Variants in HHIP observed in about 807,000 individuals in gnomAD.
HHIP encodes the protein hedgehog interacting protein.
In HHIP, 12 loss-of-function variants were observed where a neutral mutation model predicts 74.0. That is an observed-to-expected ratio of 0.16 (90% CI 0.10 to 0.26). The LOEUF (loss-of-function observed/expected upper bound fraction) is 0.26. HHIP is among the 10% of genes least tolerant of loss of function. The probability of loss-of-function intolerance (pLI) is 1.00; values close to 1 mark genes in which losing one functional copy is unlikely to be tolerated. For missense variants in HHIP, 788 were observed against 845.0 expected, an observed-to-expected ratio of 0.93 and a Z score of 0.84; for synonymous variants, 309 against 311.6, an observed-to-expected ratio of 0.99 and a Z score of 0.09.
intron 4 of HHIP, among the ~76,000 whole-genome samples, chr4:144,673,120 T>C (rs895108631): frequency 2.6e-5 from 4 of 152,226 alleles, no homozygotes; most frequent in African/African-American, 9.6e-5. Flanking sequence ...GCTGTGAATG[T>C]TCTTTGTGCC....
At chr4:144,669,021 A>C (rs530693002) in intron 4 of HHIP, among the ~76,000 whole-genome samples, 1 of 150,182 alleles carries the variant, frequency 6.7e-6, no homozygotes, top group Non-Finnish European at 1.5e-5. Flanking sequence ...ATTTTATATA[A>C]TATATAATAT....
At chr4:144,721,342 T>C (rs1463721412) in intron 11 of HHIP, among the ~76,000 whole-genome samples, 4 of 151,954 alleles carry the variant, frequency 2.6e-5, no homozygotes, top group East Asian at 1.9e-4. Context: ...TTAGAAACCA[T>C]AGAAACTATA....
chr4:144,714,415 T>A, intron 9 of HHIP, 67 bp downstream of exon 9: 2 of 1,470,414 alleles, frequency 1.4e-6, no homozygotes, highest in Non-Finnish European at 1.9e-6. Context: ...TTTGGCAAAC[T>A]GCCACAAAAT....
intron 11 of HHIP, among the ~76,000 whole-genome samples, chr4:144,732,188 G>C (rs1730979556): frequency 1.3e-5 from 2 of 152,160 alleles, no homozygotes; most frequent in African/African-American, 4.8e-5. Context: ...AGCCCTGATA[G>C]AGTAACAGTT....
Position 144,711,961 on chromosome 4 carries a change from A to C in HHIP, c.1313A>C (p.Asp438Ala), listed in dbSNP as rs199613180. 25 of 1,611,946 alleles carry C rather than the reference A, an allele frequency of 1.6e-5. No individual in the cohort carries two copies. The East Asian group carries it at 5.1e-4, about 33-fold the overall frequency. The change falls in exon 8 of 13, where the codon GAT becomes GCT. Residue 438 changes from aspartate (D) to alanine (A), a missense_variant. Transcript: ENST00000296575. ...GLHDPGRCAV[D>A]RHPTDININL... is the part of the protein sequence containing the mutation. Reference sequence around the variant, plus strand: ...CTCTTGTTATGCAGATGTGCTGTGGATAGACATCCCACTGATATAAACATC... The same window carrying C: ...CTCTTGTTATGCAGATGTGCTGTGGCTAGACATCCCACTGATATAAACATC...
intron 4 of HHIP, among the ~76,000 whole-genome samples, chr4:144,704,108 C>G (rs1207190466): frequency 6.6e-6 from 1 of 152,072 alleles, no homozygotes. Context: ...TTTAGGAATC[C>G]TGTTATATAA....
intron 9 of HHIP, 35 bp downstream of exon 9, chr4:144,714,383 C>A: frequency 6.2e-7 from 1 of 1,603,226 alleles, no homozygotes; most frequent in East Asian, 2.2e-5. Context: ...TATGATATAC[C>A]AAATGACATA....
chr4:144,650,254 G>A lies in HHIP; in HGVS notation c.280-2351G>A, dbSNP rs557268412. On this transcript the variant is annotated intron_variant, in intron 1 of 12. Coordinates refer to ENST00000296575, the MANE Select transcript of HHIP (RefSeq NM_022475.3). ...CCCTTCTTCTATGGATTTTATTTTC[G>A]TGTGGCTAAAGATTAAAGGATGACC... Among the ~76,000 whole-genome samples the A allele has an allele frequency of 1.8e-4, 27 of 152,002 alleles. No individual in the cohort carries two copies. The South Asian group carries it at 3.7e-3, about 21-fold the overall frequency.
chr4:144,697,527 A>G (rs1255184533), intron 4 of HHIP, among the ~76,000 whole-genome samples: 1 of 152,050 alleles, frequency 6.6e-6, no homozygotes, highest in Non-Finnish European at 1.5e-5. Context: ...GGGCACATAT[A>G]TTAAAGTTTC....
intron 4 of HHIP, chr4:144,685,540 T>C (rs1238823994): frequency 1.3e-5 from 2 of 152,254 alleles, no homozygotes; most frequent in African/African-American, 2.4e-5. Flanking sequence ...GTTAGTATCT[T>C]ATGCCTGATA....
chr4:144,673,561 G>A (rs375480859), intron 4 of HHIP, among the ~76,000 whole-genome samples: 9 of 152,112 alleles, frequency 5.9e-5, no homozygotes, highest in African/African-American at 1.9e-4. Flanking sequence ...AGGGAGAAAG[G>A]GGGGAAAATA....
At chr4:144,725,932 A>T (rs1444578380) in intron 11 of HHIP, among the ~76,000 whole-genome samples, 1 of 152,024 alleles carries the variant, frequency 6.6e-6, no homozygotes, top group Admixed American at 6.6e-5. Context: ...CGGCCTCCCA[A>T]AGTGCTGGGA....
Position 144,718,919 on chromosome 4 carries a change from C to A in HHIP, c.1723C>A (p.His575Asn). ...LSSSKSMTQT[H>N]NGKLYKIVDP... is the part of the protein sequence containing the mutation. ...AAGCAGTAAAAGTATGACCCAGACT[C>A]ACAATGGAAAACTCTACAAAATTGT... Residue 575 changes from histidine to asparagine, a missense_variant, in exon 11 of 13, where the codon CAC becomes AAC. Around this residue, in one of 3 missense-constraint regions of HHIP, gnomAD observed 343 missense variants for 347.9 expected, o/e 0.99. Transcript: ENST00000296575. 1 of 1,610,160 alleles carries A rather than the reference C, an allele frequency of 6.2e-7. No homozygotes were observed. Among genetic ancestry groups the A allele is most frequent in the Non-Finnish European group, 8.5e-7 (1 of 1,176,640 alleles).
rs1731158634 is a variant in HHIP at position 144,737,788 on chromosome 4, A to C, written c.1934A>C (p.His645Pro). 6.2e-7 allele frequency: 1 copy of C among 1,609,882 alleles called. No individual in the cohort carries two copies. Among genetic ancestry groups the C allele is most frequent in the Non-Finnish European group, 8.5e-7 (1 of 1,177,804 alleles). ...GCAAAATGTGAGCCAGCATGTCGTC[A>C]TGGAGGTGTCTGTGTTAGACCGAAC... The part of the protein sequence containing the change: ...RTAKCEPACR[H>P]GGVCVRPNKC... Residue 645 changes from histidine to proline, a missense_variant, in exon 13 of 13, where the codon CAT (histidine) becomes CCT (proline). Around this residue, in one of 3 missense-constraint regions of HHIP, gnomAD observed 343 missense variants for 347.9 expected, o/e 0.99. Transcript: ENST00000296575.
At chr4:144,654,172 T>A (rs930490826) in intron 2 of HHIP, among the ~76,000 whole-genome samples, 1 of 152,164 alleles carries the variant, frequency 6.6e-6, no homozygotes, top group Non-Finnish European at 1.5e-5. Flanking sequence ...TCTTTATATA[T>A]TTGAAGTAAT....
intron 2 of HHIP, among the ~76,000 whole-genome samples, chr4:144,654,372 T>C (rs1728504945): frequency 6.6e-6 from 1 of 152,156 alleles, no homozygotes; most frequent in African/African-American, 2.4e-5. Context: ...TGTCAAGTGC[T>C]TTTGGTGGCC....
In HHIP at chr4:144,715,328, G is replaced by A; in HGVS notation, c.1576G>A (p.Val526Met). 6.2e-7 allele frequency: 1 copy of A among 1,613,356 alleles called. No homozygotes were observed. The highest frequency in any genetic ancestry group is 8.5e-7 in the Non-Finnish European group (1 of 1,179,468). ...GNFLTLQQSPVTKQWQEKPLC... is the reference protein window; with the variant it reads ...GNFLTLQQSPMTKQWQEKPLC... ...TTTCCTAACTCTCCAGCAAAGTCCT[G>A]TGACAAAGCAGTGGCAAGAAAAACC... The change falls in exon 10 of 13, where the codon GTG (valine) becomes ATG (methionine). Residue 526 changes from valine to methionine, a missense_variant. This residue lies in a region of HHIP where 343 missense variants were observed against 347.9 expected (regional missense o/e 0.99). Coordinates refer to ENST00000296575, the MANE Select transcript of HHIP (RefSeq NM_022475.3).
intron 11 of HHIP, among the ~76,000 whole-genome samples, chr4:144,719,657 G>A (rs1189357809): frequency 6.6e-6 from 1 of 152,120 alleles, no homozygotes; most frequent in East Asian, 1.9e-4. Context: ...GCTATCAGAA[G>A]CTGATAAAAT....
At chr4:144,653,663 A>AACAAG (rs1389898957) in intron 2 of HHIP, among the ~76,000 whole-genome samples, 2 of 152,186 alleles carry the variant, frequency 1.3e-5, no homozygotes, top group African/African-American at 4.8e-5. Context: ...TTAAGGAAAA[A>AACAAG]ACAAGCTTTA....
Sources: gnomAD v4.1 joint callset for allele counts (sites outside exome capture counted in the v4.1 genomes callset) on GRCh38, gnomAD v4.1.1 for gene constraint, gnomAD v4.1.1 regional missense constraint, MANE v1.5 for transcripts, NCBI Gene and HGNC (gene_info 2026-07-23, HGNC 2026-07-21) for gene names.